Variants in ZNRF4 observed in about 807,000 individuals in gnomAD.
ZNRF4 encodes zinc and ring finger 4.
For synonymous variants in ZNRF4, 291 were observed against 285.9 expected, an observed-to-expected ratio of 1.02 and a Z score of -0.18; for missense variants, 569 against 609.4, an observed-to-expected ratio of 0.93 and a Z score of 0.70.
In ZNRF4 at chr19:5,456,178, C is replaced by T. The variant is rs755664821; in HGVS notation, c.687C>T (p.Asn229=). ...SQDLRVILGC[N]KSAHALLLPD... is the part of the protein sequence containing the mutation. ...ACCTGCGGGTCATCCTGGGCTGCAA[C>T]AAGTCGGCCCACGCGCTGCTCCTGC... Residue 229 remains asparagine, a synonymous_variant, in exon 1 of 1, where the codon AAC becomes AAT. Transcript: ENST00000222033. 3.3e-5 allele frequency: 53 copies of T among 1,608,142 alleles called. No individual in the cohort carries two copies. Among genetic ancestry groups the T allele is most frequent in the Admixed American group, 3.3e-5 (2 of 59,982 alleles).
rs1361422177 is a variant in ZNRF4, at chr19:5,456,076, C to T, written c.585C>T (p.Ser195=). The change falls in exon 1 of 1, where the codon AGC becomes AGT. Residue 195 remains serine (S), a synonymous_variant. Transcript: ENST00000222033. ...ACGTCCACTCCGACGACCTCGTGAG[C>T]ATGACCCACGTCTACGAGGACTTGA... ...VHNVHSDDLV[S]MTHVYEDLRG... is the part of the protein sequence containing the mutation. 1.2e-6 allele frequency: 2 copies of T among 1,605,382 alleles called. No individual in the cohort carries two copies. Among genetic ancestry groups the T allele is most frequent in the East Asian group, 2.2e-5 (1 of 44,886 alleles).
rs1439565669 is a variant in ZNRF4 at position 5,455,823 on chromosome 19, T to C, written c.332T>C (p.Val111Ala). 3.1e-6 allele frequency: 5 copies of C among 1,604,056 alleles called. No individual in the cohort carries two copies. In the African/African-American group the frequency reaches 5.3e-5, roughly 17 times the overall value. Residue 111 changes from valine to alanine, a missense_variant, in exon 1 of 1, where the codon GTG (valine) becomes GCG (alanine). Transcript: ENST00000222033. ...RAVLEDNSSS[V>A]DFADLPALFG... ...GTGCTGGAAGACAACTCGAGCTCGGTGGACTTTGCGGATCTGCCGGCGCTG... is the reference window on the plus strand; with the variant it reads ...GTGCTGGAAGACAACTCGAGCTCGGCGGACTTTGCGGATCTGCCGGCGCTG...
Position 5,455,738 on chromosome 19 carries a change from G to C in ZNRF4, c.247G>C (p.Val83Leu). Residue 83 changes from valine (V) to leucine (L), a missense_variant, in exon 1 of 1, where the codon GTC (valine) becomes CTC (leucine). By Grantham distance (32) the Val-to-Leu change is conservative. Coordinates refer to ENST00000222033, the MANE Select transcript of ZNRF4 (RefSeq NM_181710.4). ...ACGGCCGGGCCGAGCCCTCGTGGCA[G>C]TCAAAGCCTTGCTGGTCTTGTCGCT... is the stretch of plus-strand genomic sequence containing the variant. ...WPRPGRALVAVKALLVLSLLQ... is the reference protein window; with the variant it reads ...WPRPGRALVALKALLVLSLLQ... The C allele has an allele frequency of 6.2e-7, 1 of 1,605,676 alleles. No individual in the cohort carries two copies. Among genetic ancestry groups the C allele is most frequent in the Non-Finnish European group, 8.5e-7 (1 of 1,179,838 alleles).
At position 5,455,561 on chromosome 19, in the gene ZNRF4, C is replaced by A. The variant is rs772684635; in HGVS notation, c.70C>A (p.Leu24Met). The part of the protein sequence containing the change: ...SRVPVAASLP[L>M]SHAVIPTQLP... The stretch of plus-strand genomic sequence containing the variant: ...GGTCCCAGTGGCCGCGTCACTGCCT[C>A]TGAGCCACGCGGTCATTCCAACTCA... The change falls in exon 1 of 1, where the codon CTG (leucine) becomes ATG (methionine). Residue 24 changes from leucine (L) to methionine (M), a missense_variant. Coordinates refer to ENST00000222033, the MANE Select transcript of ZNRF4 (RefSeq NM_181710.4). The A allele has an allele frequency of 1.2e-6, 2 of 1,612,840 alleles. No individual in the cohort carries two copies. Among genetic ancestry groups the A allele is most frequent in the South Asian group, 2.2e-5 (2 of 91,074 alleles).
At position 5,456,277 on chromosome 19, in the gene ZNRF4, G is replaced by C. The variant is rs767359381; in HGVS notation, c.786G>C (p.Leu262=). Residue 262 remains leucine (L), a synonymous_variant, in exon 1 of 1, where the codon CTG becomes CTC. Coordinates refer to ENST00000222033, the MANE Select transcript of ZNRF4 (RefSeq NM_181710.4). The stretch of plus-strand genomic sequence containing the variant: ...TGTCCTGGGTGCTGGGCTGTACCCT[G>C]GCCCTGGTCGTATCAGCCTTCTTTG... The part of the protein sequence containing the change: ...LTVSWVLGCT[L]ALVVSAFFVL... The C allele has an allele frequency of 6.2e-7, 1 of 1,613,622 alleles. No homozygotes were observed.
At position 5,456,210 on chromosome 19, in the gene ZNRF4, A is replaced by G. The variant is rs1171234539; in HGVS notation, c.719A>G (p.Asp240Gly). Residue 240 changes from aspartate to glycine, a missense_variant, in exon 1 of 1, where the codon GAC becomes GGC. Asp to Gly is a moderately conservative substitution (Grantham distance 94, BLOSUM62 -1). Coordinates refer to ENST00000222033, the MANE Select transcript of ZNRF4 (RefSeq NM_181710.4). ...GCCCACGCGCTGCTCCTGCCCGACG[A>G]CCCACCGTGCCACGACCTGGGCTGT... ...KSAHALLLPD[D>G]PPCHDLGCHP... 6.2e-7 allele frequency: 1 copy of G among 1,610,412 alleles called. No homozygotes were observed. The highest frequency in any genetic ancestry group is 8.5e-7 in the Non-Finnish European group (1 of 1,179,836).
Position 5,456,201 on chromosome 19 carries a change from T to G in ZNRF4, c.710T>G (p.Leu237Arg). 5.0e-6 allele frequency: 8 copies of G among 1,610,042 alleles called. No individual in the cohort carries two copies. The highest frequency in any genetic ancestry group is 6.8e-6 in the Non-Finnish European group (8 of 1,179,922). ...AACAAGTCGGCCCACGCGCTGCTCC[T>G]GCCCGACGACCCACCGTGCCACGAC... is the stretch of plus-strand genomic sequence containing the variant. ...GCNKSAHALL[L>R]PDDPPCHDLG... The change falls in exon 1 of 1, where the codon CTG (leucine) becomes CGG (arginine). Residue 237 changes from leucine to arginine, a missense_variant. Physicochemically the swap from Leu to Arg is moderately radical, Grantham distance 102 (BLOSUM62 -2). Transcript: ENST00000222033.
Position 5,456,268 on chromosome 19 carries a change from C to A in ZNRF4, c.777C>A (p.Gly259=). The change falls in exon 1 of 1, where the codon GGC becomes GGA. Residue 259 remains glycine (G), a synonymous_variant. Coordinates refer to ENST00000222033, the MANE Select transcript of ZNRF4 (RefSeq NM_181710.4). ...HPVLTVSWVL[G]CTLALVVSAF... is the part of the protein sequence containing the mutation. ...TGCTGACCGTGTCCTGGGTGCTGGG[C>A]TGTACCCTGGCCCTGGTCGTATCAG... 6.8e-6 allele frequency: 11 copies of A among 1,613,522 alleles called. No homozygotes were observed. The highest frequency in any genetic ancestry group is 8.5e-6 in the Non-Finnish European group (10 of 1,180,040).
rs749308477 is a variant in ZNRF4, at chr19:5,456,648, T to C, written c.1157T>C (p.Ile386Thr). 6.2e-7 allele frequency: 1 copy of C among 1,613,868 alleles called. No individual in the cohort carries two copies. The highest frequency in any genetic ancestry group is 2.2e-5 in the East Asian group (1 of 44,870). ...GGCCACCGGCCCCCCATCTGGGCCA[T>C]TCAAGTCCAGCTACGCTCCCGGAGG... is the stretch of plus-strand genomic sequence containing the variant. Reference protein sequence around the residue: ...LPGHRPPIWAIQVQLRSRRLE... With the variant: ...LPGHRPPIWATQVQLRSRRLE... Residue 386 changes from isoleucine to threonine, a missense_variant, in exon 1 of 1, where the codon ATT becomes ACT. Ile to Thr is a moderately conservative substitution (Grantham distance 89). Transcript: ENST00000222033.
Position 5,455,652 on chromosome 19 carries a change from T to G in ZNRF4, c.161T>G (p.Leu54Arg), listed in dbSNP as rs763217609. ...RPRRCPKASC[L>R]PPPVGPSSTQ... is the part of the protein sequence containing the mutation. Reference sequence around the variant, plus strand: ...CGGAGATGCCCAAAGGCCTCATGCCTGCCGCCTCCAGTGGGACCTAGCAGC... The same window carrying G: ...CGGAGATGCCCAAAGGCCTCATGCCGGCCGCCTCCAGTGGGACCTAGCAGC... The change falls in exon 1 of 1, where the codon CTG becomes CGG. Residue 54 changes from leucine (L) to arginine (R), a missense_variant. Physicochemically the swap from Leu to Arg is moderately radical, Grantham distance 102. Transcript: ENST00000222033. The G allele has an allele frequency of 1.9e-6, 3 of 1,610,492 alleles. No individual in the cohort carries two copies. In the South Asian group the frequency reaches 3.3e-5, roughly 18 times the overall value.
Position 5,455,548 on chromosome 19 carries a change from C to G in ZNRF4, c.57C>G (p.Ala19=). The change falls in exon 1 of 1, where the codon GCC becomes GCG. Residue 19 remains alanine, a synonymous_variant. Transcript: ENST00000222033. ...CTAGAGCCAGCAGGGTCCCAGTGGC[C>G]GCGTCACTGCCTCTGAGCCACGCGG... The part of the protein sequence containing the change: ...LMPRASRVPV[A]ASLPLSHAVI... 1 of 1,612,744 alleles carries G rather than the reference C, an allele frequency of 6.2e-7. No individual in the cohort carries two copies. The highest frequency in any genetic ancestry group is 8.5e-7 in the Non-Finnish European group (1 of 1,179,976).
In ZNRF4 at chr19:5,455,446, C is replaced by A. The variant is rs1162666380; in HGVS notation, c.-46C>A. 5.9e-6 allele frequency: 9 copies of A among 1,537,702 alleles called. No homozygotes were observed. Among genetic ancestry groups the A allele is most frequent in the Non-Finnish European group, 7.9e-6 (9 of 1,143,290 alleles). On this transcript the variant is annotated 5_prime_UTR_variant, in exon 1 of 1. Coordinates refer to ENST00000222033, the MANE Select transcript of ZNRF4 (RefSeq NM_181710.4). Reference sequence around the variant, plus strand: ...TCTCCATGTCATCTGCCAGAAAGGCCACCTGCGCCAGCACCTCCTGAGACC... The same window carrying A: ...TCTCCATGTCATCTGCCAGAAAGGCAACCTGCGCCAGCACCTCCTGAGACC...
chr19:5,455,788 G>T lies in ZNRF4; in HGVS notation c.297G>T (p.Val99=). The change falls in exon 1 of 1, where the codon GTG becomes GTT. Residue 99 remains valine (V), a synonymous_variant. Transcript: ENST00000222033. ...LSLLQVPAQA[V]VRAVLEDNSS... ...TGCTCCAGGTGCCCGCGCAGGCAGT[G>T]GTACGGGCCGTGCTGGAAGACAACT... 1 of 1,603,862 alleles carries T rather than the reference G, an allele frequency of 6.2e-7. No homozygotes were observed. Among genetic ancestry groups the T allele is most frequent in the Non-Finnish European group, 8.5e-7 (1 of 1,179,842 alleles).
rs778073714 is a variant in ZNRF4, at chr19:5,456,046, G to A, written c.555G>A (p.Val185=). Reference sequence around the variant, plus strand: ...GCGCCGGCTTCGAGGCGGCCATCGTGCACAACGTCCACTCCGACGACCTCG... The same window carrying A: ...GCGCCGGCTTCGAGGCGGCCATCGTACACAACGTCCACTCCGACGACCTCG... The part of the protein sequence containing the change: ...AQRAGFEAAI[V]HNVHSDDLVS... Residue 185 remains valine, a synonymous_variant, in exon 1 of 1, where the codon GTG becomes GTA. Transcript: ENST00000222033. 3 of 1,603,116 alleles carry A rather than the reference G, an allele frequency of 1.9e-6. No individual in the cohort carries two copies. In the South Asian group the frequency reaches 3.3e-5, roughly 18 times the overall value.
Position 5,455,456 on chromosome 19 carries a change from A to C in ZNRF4, c.-36A>C, listed in dbSNP as rs2051608214. On this transcript the variant is annotated 5_prime_UTR_variant, in exon 1 of 1. Coordinates refer to ENST00000222033, the MANE Select transcript of ZNRF4 (RefSeq NM_181710.4). ...ATCTGCCAGAAAGGCCACCTGCGCC[A>C]GCACCTCCTGAGACCGGCCTTCAAA... 1 of 1,555,076 alleles carries C rather than the reference A, an allele frequency of 6.4e-7. No individual in the cohort carries two copies. The highest frequency in any genetic ancestry group is 1.8e-5 in the Admixed American group (1 of 54,156).
In ZNRF4 at chr19:5,455,787, T is replaced by C; in HGVS notation, c.296T>C (p.Val99Ala). The C allele has an allele frequency of 6.2e-7, 1 of 1,603,792 alleles. No homozygotes were observed. Among genetic ancestry groups the C allele is most frequent in the Non-Finnish European group, 8.5e-7 (1 of 1,179,804 alleles). ...CTGCTCCAGGTGCCCGCGCAGGCAGTGGTACGGGCCGTGCTGGAAGACAAC... is the reference window on the plus strand; with the variant it reads ...CTGCTCCAGGTGCCCGCGCAGGCAGCGGTACGGGCCGTGCTGGAAGACAAC... ...LSLLQVPAQA[V>A]VRAVLEDNSS... The change falls in exon 1 of 1, where the codon GTG (valine) becomes GCG (alanine). Residue 99 changes from valine to alanine, a missense_variant. Coordinates refer to ENST00000222033, the MANE Select transcript of ZNRF4 (RefSeq NM_181710.4).
rs757557614 is a variant in ZNRF4 at position 5,455,925 on chromosome 19, T to C, written c.434T>C (p.Ile145Thr). 5.6e-6 allele frequency: 9 copies of C among 1,601,228 alleles called. No homozygotes were observed. The highest frequency in any genetic ancestry group is 6.8e-6 in the Non-Finnish European group (8 of 1,179,342). ...EVKPANACHP[I>T]EAPRLGNRSL... Reference sequence around the variant, plus strand: ...AAGCCAGCCAACGCGTGCCATCCCATCGAGGCCCCGCGACTGGGCAACCGC... The same window carrying C: ...AAGCCAGCCAACGCGTGCCATCCCACCGAGGCCCCGCGACTGGGCAACCGC... The change falls in exon 1 of 1, where the codon ATC becomes ACC. Residue 145 changes from isoleucine (I) to threonine (T), a missense_variant. Ile to Thr is a moderately conservative substitution (Grantham distance 89). Transcript: ENST00000222033.
chr19:5,456,785 T>C lies in ZNRF4; in HGVS notation c.*4T>C, dbSNP rs370247878. 323 of 1,532,068 alleles carry C rather than the reference T, an allele frequency of 2.1e-4. 1 individual carries two copies. In the African/African-American group the frequency reaches 3.5e-3, roughly 17 times the overall value. 94.9% of individuals were successfully genotyped at this position (1,532,068 alleles called of 1,614,324 possible). A position where few individuals can be genotyped will look rare whatever the true frequency, so the allele number is the denominator to read the frequency against. On this transcript the variant is annotated 3_prime_UTR_variant, in exon 1 of 1. Transcript: ENST00000222033. ...TCCTGAGGCCCCTGGTCAGTAAAGATCTAGGGCAGGGAGGGGGGTGCAATG... is the reference window on the plus strand; with the variant it reads ...TCCTGAGGCCCCTGGTCAGTAAAGACCTAGGGCAGGGAGGGGGGTGCAATG...
chr19:5,455,717 C>A lies in ZNRF4; in HGVS notation c.226C>A (p.Pro76Thr). 6.2e-7 allele frequency: 1 copy of A among 1,607,140 alleles called. No individual in the cohort carries two copies. ...GCGGGTGACCATGGGGTGGCCACGG[C>A]CGGGCCGAGCCCTCGTGGCAGTCAA... Reference protein sequence around the residue: ...AKRVTMGWPRPGRALVAVKAL... With the variant: ...AKRVTMGWPRTGRALVAVKAL... Residue 76 changes from proline (P) to threonine (T), a missense_variant, in exon 1 of 1, where the codon CCG becomes ACG. By Grantham distance (38) the Pro-to-Thr change is conservative (BLOSUM62 -1). Transcript: ENST00000222033.
Sources: gnomAD v4.1 joint callset for allele counts on GRCh38, gnomAD v4.1.1 for gene constraint, MANE v1.5 for transcripts, NCBI Gene and HGNC (gene_info 2026-07-23, HGNC 2026-07-21) for gene names.